ETFA: variants seen among roughly 807,000 people sequenced by gnomAD.
ETFA encodes the protein electron transfer flavoprotein subunit alpha.
ETFA carries 22 observed loss-of-function variants against 46.2 expected under a neutral mutation model. The ratio of observed to expected loss-of-function variants is 0.48; its 90% confidence interval spans 0.34 to 0.68. The LOEUF is 0.68. ETFA is among the 30% of genes least tolerant of loss of function. The pLI, the probability that ETFA is intolerant of heterozygous loss-of-function variation, is 0.01. For synonymous variants in ETFA, 131 were observed against 139.9 expected, an observed-to-expected ratio of 0.94 and a Z score of 0.45; for missense variants, 345 against 401.1, an observed-to-expected ratio of 0.86 and a Z score of 1.19.
intron 9 of ETFA, chr15:76,258,978 C>A: frequency 6.3e-7 from 1 of 1,594,234 alleles, no homozygotes; most frequent in East Asian, 2.2e-5. Flanking sequence ...ATGCCCTCTG[C>A]CTGTGAGCTA....
At chr15:76,263,414 A>G (rs1276029873) in intron 9 of ETFA, among the ~76,000 whole-genome samples, 1 of 152,260 alleles carries the variant, frequency 6.6e-6, no homozygotes, top group African/African-American at 2.4e-5. Context: ...GAGGACACCC[A>G]GGGACGACTG....
At chr15:76,241,013 G>A (rs1433608926) in intron 9 of ETFA, among the ~76,000 whole-genome samples, 1 of 151,676 alleles carries the variant, frequency 6.6e-6, no homozygotes, top group East Asian at 1.9e-4. Context: ...TACCAGTTCA[G>A]AGATTTTCCA....
At chr15:76,264,712 A>G (rs910496355) in intron 9 of ETFA, among the ~76,000 whole-genome samples, 4 of 152,344 alleles carry the variant, frequency 2.6e-5, no homozygotes, top group Middle Eastern at 6.8e-3. Context: ...AAGGCTTGTG[A>G]TGGCATTGGA....
At chr15:76,257,545 G>C (rs537477551) in intron 9 of ETFA, among the ~76,000 whole-genome samples, 10 of 152,116 alleles carry the variant, frequency 6.6e-5, no homozygotes, top group Non-Finnish European at 1.2e-4. Context: ...TGTGGAGAAA[G>C]AGGAACACTT....
intron 9 of ETFA, among the ~76,000 whole-genome samples, chr15:76,262,529 C>T (rs1394964038): frequency 1.6e-5 from 2 of 124,448 alleles, no homozygotes; most frequent in East Asian, 5.3e-4. Context: ...GTCACCCAGG[C>T]TGGAATGCAG....
Position 76,216,580 on chromosome 15 carries a change from A to C in ETFA, c.981T>G (p.Thr327=), listed in dbSNP as rs752246889. 8 of 1,591,148 alleles carry C rather than the reference A, an allele frequency of 5.0e-6. No homozygotes were observed. In the East Asian group the frequency reaches 1.6e-4, roughly 31 times the overall value. ...TGATTCATTTTTTCTTCAATATCTC[A>C]GTCATTTCAGGAACTACCTGCAAAT... ...ADLFKVVPEM[T]EILKKK Residue 327 remains threonine (T), a synonymous_variant, in exon 12 of 12, where the codon ACT becomes ACG. Transcript: ENST00000557943.
At chr15:76,277,806 C>T (rs773899540) in intron 8 of ETFA, among the ~76,000 whole-genome samples, 1 of 152,158 alleles carries the variant, frequency 6.6e-6, no homozygotes, top group Non-Finnish European at 1.5e-5. Flanking sequence ...CCCTGCCCAC[C>T]TGGAGTTTTT....
intron 8 of ETFA, among the ~76,000 whole-genome samples, chr15:76,281,957 A>T (rs1477506257): frequency 7.9e-6 from 1 of 126,798 alleles, no homozygotes; most frequent in African/African-American, 3.0e-5. Context: ...AGGCTGGAGT[A>T]CAGTGGCACA....
chr15:76,218,659 G>A (rs1322296372), intron 11 of ETFA, among the ~76,000 whole-genome samples: 1 of 152,192 alleles, frequency 6.6e-6, no homozygotes, highest in Non-Finnish European at 1.5e-5. Context: ...CTGATGGCCT[G>A]AGCACACTGA....
At chr15:76,307,463 G>T (rs1360363621) in intron 1 of ETFA, among the ~76,000 whole-genome samples, 1 of 150,610 alleles carries the variant, frequency 6.6e-6, no homozygotes, top group Non-Finnish European at 1.5e-5. Flanking sequence ...TGGTTTAAAA[G>T]AATACATAAA....
intron 8 of ETFA, among the ~76,000 whole-genome samples, chr15:76,279,321 G>C (rs2039625324): frequency 6.6e-6 from 1 of 152,036 alleles, no homozygotes; most frequent in Non-Finnish European, 1.5e-5. Context: ...TGTCACCCAG[G>C]CTGGAGTGCA....
chr15:76,247,527 C>T (rs751282872), intron 9 of ETFA, among the ~76,000 whole-genome samples: 1 of 152,176 alleles, frequency 6.6e-6, no homozygotes, highest in Non-Finnish European at 1.5e-5. Context: ...ACCACTGAAC[C>T]GCAACCATGA....
chr15:76,295,486 G>A, intron 2 of ETFA, 105 bp downstream of exon 2: 1 of 948,246 alleles, frequency 1.1e-6, no homozygotes, highest in South Asian at 1.3e-5. Flanking sequence ...ATGAGGATTA[G>A]AGCCCAGTTT....
At chr15:76,281,619 G>T (rs998128545) in intron 8 of ETFA, among the ~76,000 whole-genome samples, 5 of 151,968 alleles carry the variant, frequency 3.3e-5, no homozygotes, top group Admixed American at 6.5e-5. Flanking sequence ...TAGAGACGGG[G>T]TTTCCCCATG....
chr15:76,226,127 G>A, intron 10 of ETFA, 198 bp from the exon 11 acceptor site: 1 of 565,256 alleles, frequency 1.8e-6, no homozygotes, highest in African/African-American at 1.9e-5. Flanking sequence ...CCCACATCTA[G>A]CCCATCTCAG....
At chr15:76,298,202 C>A (rs1192768034) in intron 1 of ETFA, among the ~76,000 whole-genome samples, 1 of 152,020 alleles carries the variant, frequency 6.6e-6, no homozygotes, top group Non-Finnish European at 1.5e-5. Flanking sequence ...ATTACCACGC[C>A]CAGCTAATTT....
At chr15:76,292,344 A>G in intron 4 of ETFA, 87 bp downstream of exon 4, 2 of 838,374 alleles carry the variant, frequency 2.4e-6, no homozygotes, top group South Asian at 2.7e-5. Context: ...GATTGGCTAC[A>G]TAAACAGTCT....
In ETFA at chr15:76,222,486, G is replaced by A. The variant is rs192941660; in HGVS notation, c.963+3363C>T. On this transcript the variant is annotated intron_variant, in intron 11 of 11. Coordinates refer to ENST00000557943, the MANE Select transcript of ETFA (RefSeq NM_000126.4). Reference sequence around the variant, plus strand: ...TTACTACAGTATTCACCTACAATAAGCTCATTCTGATTTCAGCTGAGAAAA... The same window carrying A: ...TTACTACAGTATTCACCTACAATAAACTCATTCTGATTTCAGCTGAGAAAA... 3.3e-5 allele frequency among the ~76,000 whole-genome samples: 5 copies of A among 152,268 alleles called. No homozygotes were observed. In the East Asian group the frequency reaches 9.6e-4, roughly 29 times the overall value.
chr15:76,259,580 G>T, intron 9 of ETFA: 1 of 999,302 alleles, frequency 1.0e-6, no homozygotes, highest in Non-Finnish European at 1.6e-6. Context: ...ACACATCACT[G>T]TGCACAGTAT....
Sources: gnomAD v4.1 joint callset for allele counts (sites outside exome capture counted in the v4.1 genomes callset) on GRCh38, gnomAD v4.1.1 for gene constraint, MANE v1.5 for transcripts, NCBI Gene and HGNC (gene_info 2026-07-23, HGNC 2026-07-21) for gene names.